The following AGAP1 variants were observed in gnomAD, a reference collection of about 807,000 sequenced individuals.
AGAP1 encodes the protein arf-GAP with GTPase, ANK repeat and PH domain-containing protein 1.
AGAP1 carries 29 observed loss-of-function variants against 105.3 expected under a neutral mutation model. The observed-to-expected ratio is 0.28, with a 90% CI of 0.21 to 0.38. The LOEUF (loss-of-function observed/expected upper bound fraction) is 0.38, where lower values mean the gene tolerates loss of function less well. AGAP1 is among the 10% of genes least tolerant of loss of function. The probability of loss-of-function intolerance (pLI) is 1.00; values close to 1 mark genes in which losing one functional copy is unlikely to be tolerated. For synonymous variants in AGAP1, 509 were observed against 485.9 expected, an observed-to-expected ratio of 1.05 and a Z score of -0.63; for missense variants, 998 against 1,165.1, an observed-to-expected ratio of 0.86 and a Z score of 2.09.
Position 236,105,742 on chromosome 2 carries a change from C to T in AGAP1, c.2115-14450C>T, listed in dbSNP as rs1253511798. Among the ~76,000 whole-genome samples, 2 of 151,924 alleles carry T rather than the reference C, an allele frequency of 1.3e-5. No individual in the cohort carries two copies. Among genetic ancestry groups the T allele is most frequent in the East Asian group, 1.9e-4 (1 of 5,178 alleles). On this transcript the variant is annotated intron_variant, in intron 16 of 17. Transcript: ENST00000304032. This position sits in a 1 kb window ranked among gnomAD's most constrained non-coding sequence, Gnocchi z 4.2. Reference sequence around the variant, plus strand: ...CCGAGTAGCTGGGACTACAGGCGCCCGCCACCATGCCCGGCTGATTTTGTT... The same window carrying T: ...CCGAGTAGCTGGGACTACAGGCGCCTGCCACCATGCCCGGCTGATTTTGTT...
intron 6 of AGAP1, among the ~76,000 whole-genome samples, chr2:235,763,989 T>C (rs1398756459): frequency 7.0e-6 from 1 of 142,824 alleles, no homozygotes; most frequent in Non-Finnish European, 1.5e-5. Flanking sequence ...AAGATCTGTG[T>C]GTGGCTGTGA....
chr2:235,522,541 G>A (rs1056384245), intron 1 of AGAP1, among the ~76,000 whole-genome samples: 1 of 152,136 alleles, frequency 6.6e-6, no homozygotes, highest in African/African-American at 2.4e-5. Context: ...GAAGGAAGAC[G>A]GCTCATGAGG....
chr2:235,804,272 T>C (rs1957728494), intron 8 of AGAP1, among the ~76,000 whole-genome samples: 1 of 152,226 alleles, frequency 6.6e-6, no homozygotes, highest in African/African-American at 2.4e-5. Flanking sequence ...TTTCAAGCTT[T>C]ATAATAACGA....
At chr2:235,671,072 C>A in intron 1 of AGAP1, 1 of 1,260,738 alleles carries the variant, frequency 7.9e-7, no homozygotes, top group Non-Finnish European at 9.9e-7. Flanking sequence ...GCAGCGTGGC[C>A]GGGGGTCCCG....
intron 2 of AGAP1, among the ~76,000 whole-genome samples, 197 bp from the exon 3 acceptor site, chr2:235,717,360 A>C (rs1951168710): frequency 6.6e-6 from 1 of 152,220 alleles, no homozygotes; most frequent in Non-Finnish European, 1.5e-5. Flanking sequence ...GGCTGATGAG[A>C]ACGTGAGATG....
intron 1 of AGAP1, among the ~76,000 whole-genome samples, chr2:235,653,275 C>A (rs1461645500): frequency 6.6e-6 from 1 of 151,940 alleles, no homozygotes; most frequent in Non-Finnish European, 1.5e-5. Flanking sequence ...ACCATCCTGG[C>A]TATCACGGTG....
At chr2:235,513,142 C>T (rs1942221805) in intron 1 of AGAP1, among the ~76,000 whole-genome samples, 1 of 152,130 alleles carries the variant, frequency 6.6e-6, no homozygotes, top group African/African-American at 2.4e-5. Context: ...GCTAAATGGT[C>T]TTAAAGGTTT....
At chr2:235,929,004 C>T (rs1186246277) in intron 11 of AGAP1, among the ~76,000 whole-genome samples, 1 of 152,124 alleles carries the variant, frequency 6.6e-6, no homozygotes, top group Non-Finnish European at 1.5e-5. Context: ...GTTTCTAGGG[C>T]GTTAGGGCAC....
At position 235,936,701 on chromosome 2, in the gene AGAP1, C is replaced by T. The variant is rs148937741; in HGVS notation, c.1483+5778C>T. ...GTAATGTGATACTGCCGGTCTCTGA[C>T]CTGGAAGCTTCTTTGATGGGAGGGT... On this transcript the variant is annotated intron_variant, in intron 12 of 17. Coordinates refer to ENST00000304032, the MANE Select transcript of AGAP1 (RefSeq NM_001037131.3). This position sits in a 1 kb window ranked among gnomAD's most constrained non-coding sequence, Gnocchi z 4.7. 5.6e-3 allele frequency among the ~76,000 whole-genome samples: 852 copies of T among 152,226 alleles called. 3 individuals carry two copies. The highest frequency in any genetic ancestry group is 8.4e-3 in the Non-Finnish European group (571 of 68,010).
chr2:235,965,387 G>A lies in AGAP1; in HGVS notation c.1484-3075G>A, dbSNP rs145771651. 0.012 allele frequency among the ~76,000 whole-genome samples: 1,785 copies of A among 152,294 alleles called. 16 individuals carry two copies. Among genetic ancestry groups the A allele is most frequent in the Non-Finnish European group, 0.018 (1,253 of 68,018 alleles). On this transcript the variant is annotated intron_variant, in intron 12 of 17. Coordinates refer to ENST00000304032, the MANE Select transcript of AGAP1 (RefSeq NM_001037131.3). The surrounding 1 kb of genome is among the most constrained non-coding windows in gnomAD (Gnocchi z 5.8). ...CATGATAAGGGAAAGGAAGTCTTAC[G>A]GGGGCGAAGGAAGGCACAGTGAAAC...
intron 9 of AGAP1, among the ~76,000 whole-genome samples, chr2:235,862,114 C>T (rs2048950554): frequency 6.6e-6 from 1 of 152,122 alleles, no homozygotes; most frequent in Admixed American, 6.5e-5. Flanking sequence ...GTGCATTAGA[C>T]CACTCAGGGG....
chr2:235,607,497 C>G (rs974953381), intron 1 of AGAP1, among the ~76,000 whole-genome samples: 1 of 152,250 alleles, frequency 6.6e-6, no homozygotes, highest in African/African-American at 2.4e-5. Flanking sequence ...GCGGCCTTGC[C>G]AGGAGCCCGT....
At chr2:236,102,156 G>GC (rs2059364683) in intron 16 of AGAP1, among the ~76,000 whole-genome samples, 1 of 152,160 alleles carries the variant, frequency 6.6e-6, no homozygotes. Flanking sequence ...GGTGGCTCAC[G>GC]CCTGTAATCC....
chr2:235,695,752 A>G (rs1272715305), intron 1 of AGAP1, among the ~76,000 whole-genome samples: 1 of 152,208 alleles, frequency 6.6e-6, no homozygotes, highest in Non-Finnish European at 1.5e-5. Flanking sequence ...CAGCAGGGGC[A>G]CAAAGAAACC....
At chr2:235,506,026 G>T (rs373178640) in intron 1 of AGAP1, among the ~76,000 whole-genome samples, 1 of 150,690 alleles carries the variant, frequency 6.6e-6, no homozygotes, top group East Asian at 2.0e-4. Flanking sequence ...TGCCTCCCAG[G>T]TTCAAGTGAT....
At chr2:235,810,277 C>T (rs755783101) in intron 9 of AGAP1, among the ~76,000 whole-genome samples, 2 of 152,172 alleles carry the variant, frequency 1.3e-5, no homozygotes, top group Non-Finnish European at 2.9e-5. Flanking sequence ...CCGTGTTTGC[C>T]GCAAACATGT....
chr2:235,728,326 T>TGCGCGCGC lies in AGAP1; in HGVS notation c.310+10685_310+10686insCGCGCGCG, dbSNP rs1553615546. ...CTGTGTGTGTGTGTGTGTGTGTGTG[T>TGCGCGCGC]GCGTGCTCTTAAATCAATGTAAATT... On this transcript the variant is annotated intron_variant, in intron 3 of 17. Coordinates refer to ENST00000304032, the MANE Select transcript of AGAP1 (RefSeq NM_001037131.3). This position sits in a 1 kb window ranked among gnomAD's most constrained non-coding sequence, Gnocchi z 4.3. 6.6e-6 allele frequency among the ~76,000 whole-genome samples: 1 copy of TGCGCGCGC among 151,624 alleles called. No individual in the cohort carries two copies. Among genetic ancestry groups the TGCGCGCGC allele is most frequent in the African/African-American group, 2.4e-5 (1 of 41,084 alleles).
rs10929142 is a variant in AGAP1 at position 235,555,443 on chromosome 2, T to C, written c.163+60594T>C. On this transcript the variant is annotated intron_variant, in intron 1 of 17. Coordinates refer to ENST00000304032, the MANE Select transcript of AGAP1 (RefSeq NM_001037131.3). This position sits in a 1 kb window ranked among gnomAD's most constrained non-coding sequence, Gnocchi z 5.1. ...AGGTGGATGGGTGGAGCTCAGGGAA[T>C]AGGCATGTGGGGCACACTCTCCAGG... Among the ~76,000 whole-genome samples, 47,423 of 151,984 alleles carry C rather than the reference T, an allele frequency of 0.31. 9,522 individuals carry two copies. The highest frequency in any genetic ancestry group is 0.55 in the African/African-American group (22,966 of 41,414).
chr2:236,022,778 G>T (rs541624682), intron 13 of AGAP1, among the ~76,000 whole-genome samples: 11 of 151,976 alleles, frequency 7.2e-5, no homozygotes, highest in Admixed American at 2.6e-4. Flanking sequence ...CAAGGGATCC[G>T]CCCCCACCCC....
Sources: gnomAD v4.1 joint callset for allele counts (sites outside exome capture counted in the v4.1 genomes callset) on GRCh38, gnomAD v4.1.1 for gene constraint, Gnocchi (gnomAD v3.1) non-coding constraint, MANE v1.5 for transcripts, NCBI Gene and HGNC (gene_info 2026-07-23, HGNC 2026-07-21) for gene names.